The following GCNT1 variants were observed in gnomAD, a reference collection of about 807,000 sequenced individuals.
GCNT1 encodes beta-1,3-galactosyl-O-glycosyl-glycoprotein beta-1,6-N-acetylglucosaminyltransferase.
In GCNT1, 16 loss-of-function variants were observed where a neutral mutation model predicts 26.2. The observed-to-expected ratio is 0.61, with a 90% CI of 0.41 to 0.93. The LOEUF is 0.93. GCNT1 is among the 40% of genes least tolerant of loss of function. The pLI is 0.00. For synonymous variants in GCNT1, 183 were observed against 190.8 expected, an observed-to-expected ratio of 0.96 and a Z score of 0.34; for missense variants, 477 against 526.7, an observed-to-expected ratio of 0.91 and a Z score of 0.92.
chr9:76,407,930 G>T, the GCNT1 span, among the ~76,000 whole-genome samples: 3 of 152,148 alleles, frequency 2.0e-5, no homozygotes, highest in South Asian at 6.2e-4. Flanking sequence ...CTGGTTAATT[G>T]CTGATATACC....
rs1356508924 is a variant in GCNT1 at position 76,472,763 on chromosome 9, TTTTGAGATG to T, written c.-290+12587_-290+12595del. ...TCTTTTCTTTTCTTTTTTTTTTTTT[TTTTGAGATG>T]GAGTCTCGCTCTGTCACCCAGGCTG... On this transcript the variant is annotated intron_variant, in intron 2 of 3. Transcript: ENST00000376730. 5.5e-3 allele frequency among the ~76,000 whole-genome samples: 779 copies of T among 140,762 alleles called. 6 individuals are homozygous for T. Among genetic ancestry groups the T allele is most frequent in the African/African-American group, 0.02 (717 of 36,388 alleles). The allele number at this position is 140,762 out of a possible 152,430, so 92.3% of individuals were successfully genotyped here. A position where few individuals can be genotyped will look rare whatever the true frequency, so the allele number is the denominator to read the frequency against.
At chr9:76,402,929 C>T in the GCNT1 span, among the ~76,000 whole-genome samples, 402 of 152,238 alleles carry the variant, frequency 2.6e-3, 1 homozygote, top group African/African-American at 9.3e-3. Flanking sequence ...CTGCCTGCCT[C>T]GGCCTCCCAG....
upstream of GCNT1, among the ~76,000 whole-genome samples, chr9:76,416,369 T>C (rs1281909821): frequency 1.3e-5 from 2 of 152,212 alleles, no homozygotes; most frequent in Middle Eastern, 3.2e-3. Flanking sequence ...TGATTCTTCC[T>C]GGATGCCAGA....
At chr9:76,472,749 C>CTTTTCTT (rs1243565035) in intron 2 of GCNT1, among the ~76,000 whole-genome samples, 1 of 31,396 alleles carries the variant, frequency 3.2e-5, no homozygotes, top group African/African-American at 9.5e-5. Flanking sequence ...CTTTTCTTTT[C>CTTTTCTT]TTTTTTTTTT....
chr9:76,473,694 G>C (rs1467012235), intron 2 of GCNT1, among the ~76,000 whole-genome samples: 2 of 152,232 alleles, frequency 1.3e-5, no homozygotes, highest in Non-Finnish European at 2.9e-5. Context: ...AGAATTTGCT[G>C]AAGTTTGGGT....
chr9:76,441,064 C>CAAAAAAAAAAAAAAAAAAAAAAA (rs758094129), upstream of GCNT1, among the ~76,000 whole-genome samples: 1 of 129,458 alleles, frequency 7.7e-6, no homozygotes. Context: ...GACTCCATCT[C>CAAAAAAAAAAAAAAAAAAAAAAA]AAAAAAAAAC....
chr9:76,487,782 T>C (rs986546606), intron 2 of GCNT1, among the ~76,000 whole-genome samples: 4 of 152,210 alleles, frequency 2.6e-5, no homozygotes, highest in Non-Finnish European at 5.9e-5. Flanking sequence ...TTGCCTAGGC[T>C]GGAGTGCAGT....
At chr9:76,461,194 C>CT (rs71372085) in intron 2 of GCNT1, among the ~76,000 whole-genome samples, 1,435 of 125,932 alleles carry the variant, frequency 0.011, 21 homozygotes, top group African/African-American at 0.037. Context: ...GTGTAGGCAG[C>CT]TTTTTTTTTT....
intron 2 of GCNT1, among the ~76,000 whole-genome samples, chr9:76,468,511 C>A (rs2131601992): frequency 6.6e-6 from 1 of 152,280 alleles, no homozygotes; most frequent in East Asian, 1.9e-4. Flanking sequence ...GTATATATGT[C>A]ATGGCATGAG....
intron 1 of GCNT1, among the ~76,000 whole-genome samples, chr9:76,436,598 CAA>C (rs1178497535): frequency 2.9e-4 from 12 of 41,130 alleles, no homozygotes; most frequent in South Asian, 9.8e-4. Flanking sequence ...GATTCCATCT[CAA>C]AAAAAAAAAA....
intron 3 of GCNT1, chr9:76,501,955 T>G (rs1215913922): frequency 2.0e-5 from 3 of 152,286 alleles, no homozygotes; most frequent in Non-Finnish European, 4.4e-5. Flanking sequence ...TGTTAGATAT[T>G]CTAGTGCATC....
chr9:76,399,442 G>C, the GCNT1 span: 9 of 1,550,198 alleles, frequency 5.8e-6, no homozygotes, highest in South Asian at 6.7e-5. Flanking sequence ...TTGCAGACTG[G>C]TCTGAAGGTG....
intron 2 of GCNT1, among the ~76,000 whole-genome samples, chr9:76,464,593 GT>G (rs748991059): frequency 2.0e-5 from 3 of 152,190 alleles, no homozygotes; most frequent in Admixed American, 1.3e-4. Flanking sequence ...TTGGAGTGCA[GT>G]GGCTATTCAC....
intron 2 of GCNT1, among the ~76,000 whole-genome samples, chr9:76,467,438 T>C (rs796191646): frequency 3.5e-4 from 54 of 152,142 alleles, no homozygotes; most frequent in African/African-American, 1.3e-3. Context: ...CAGGTTCATG[T>C]TCCATGTCAT....
intron 2 of GCNT1, among the ~76,000 whole-genome samples, chr9:76,484,118 C>T (rs750397870): frequency 1.1e-4 from 17 of 152,150 alleles, no homozygotes; most frequent in Admixed American, 3.9e-4. Context: ...TGGTGGCTCA[C>T]GCCTGTAATC....
At chr9:76,494,279 G>A (rs759287308) in intron 2 of GCNT1, among the ~76,000 whole-genome samples, 1 of 152,114 alleles carries the variant, frequency 6.6e-6, no homozygotes. Context: ...GAGAAAAATC[G>A]GATTTAGTGA....
the GCNT1 span, among the ~76,000 whole-genome samples, chr9:76,407,458 T>C: frequency 6.6e-6 from 1 of 152,204 alleles, no homozygotes; most frequent in Non-Finnish European, 1.5e-5. Context: ...TTCTGTTCTA[T>C]TGATCTATTT....
At chr9:76,424,517 C>T (rs1823235502) in intron 1 of GCNT1, among the ~76,000 whole-genome samples, 2 of 152,128 alleles carry the variant, frequency 1.3e-5, no homozygotes, top group Admixed American at 1.3e-4. Context: ...TGGTGTCGGA[C>T]TTCAGGTAAG....
intron 2 of GCNT1, among the ~76,000 whole-genome samples, chr9:76,470,262 T>C (rs1226996089): frequency 6.6e-6 from 1 of 152,140 alleles, no homozygotes; most frequent in Non-Finnish European, 1.5e-5. Context: ...TCTCGTGATA[T>C]ACCCCTCCAG....
Sources: allele counts gnomAD v4.1 joint callset (sites outside exome capture counted in the v4.1 genomes callset), GRCh38; gene constraint gnomAD v4.1.1; transcripts MANE v1.5; gene names NCBI Gene and HGNC (gene_info 2026-07-23, HGNC 2026-07-21).